CAMK1D: variants seen among roughly 807,000 people sequenced by gnomAD.
CAMK1D encodes the protein calcium/calmodulin dependent protein kinase ID, also known as calcium/calmodulin-dependent protein kinase type 1D.
In CAMK1D, 9 loss-of-function variants were observed where a neutral mutation model predicts 47.7. That is an observed-to-expected ratio of 0.19 (90% CI 0.11 to 0.33). The LOEUF (loss-of-function observed/expected upper bound fraction) is 0.33, where lower values mean the gene tolerates loss of function less well. CAMK1D is among the 10% of genes least tolerant of loss of function. CAMK1D has a pLI of 1.00. For missense variants in CAMK1D, 291 were observed against 488.7 expected, an observed-to-expected ratio of 0.60 and a Z score of 3.81; for synonymous variants, 184 against 184.9, an observed-to-expected ratio of 0.99 and a Z score of 0.04.
At chr10:12,649,435 G>T (rs1401082248) in intron 2 of CAMK1D, among the ~76,000 whole-genome samples, 1 of 152,334 alleles carries the variant, frequency 6.6e-6, no homozygotes, top group Middle Eastern at 3.4e-3. Context: ...TCCCCTCTGC[G>T]TCCACGGAAA....
chr10:12,547,682 T>TCACACACACACA (rs1554786375), intron 1 of CAMK1D, among the ~76,000 whole-genome samples: 28 of 116,528 alleles, frequency 2.4e-4, no homozygotes, highest in Admixed American at 7.6e-4. Flanking sequence ...TTTCTCTCTC[T>TCACACACACACA]CACACACACA....
intron 2 of CAMK1D, among the ~76,000 whole-genome samples, chr10:12,611,951 C>G (rs1241998854): frequency 6.6e-6 from 1 of 152,168 alleles, no homozygotes; most frequent in African/African-American, 2.4e-5. Flanking sequence ...CCTTATTTCT[C>G]CACTTCATGA....
At chr10:12,360,369 C>T (rs534436767) in intron 1 of CAMK1D, among the ~76,000 whole-genome samples, 1 of 152,280 alleles carries the variant, frequency 6.6e-6, no homozygotes, top group Non-Finnish European at 1.5e-5. Context: ...AAACCCTAGA[C>T]CTTTGTAGCT....
chr10:12,490,386 T>A (rs911063442), intron 1 of CAMK1D, among the ~76,000 whole-genome samples: 1 of 152,130 alleles, frequency 6.6e-6, no homozygotes, highest in Admixed American at 6.5e-5. Context: ...ACTGGGGGAC[T>A]GGCTCCCCAG....
chr10:12,477,375 A>G (rs1833933008), intron 1 of CAMK1D, among the ~76,000 whole-genome samples: 1 of 152,170 alleles, frequency 6.6e-6, no homozygotes, highest in Non-Finnish European at 1.5e-5. Context: ...AGATCATGCC[A>G]TTGCACTCCA....
At chr10:12,718,420 G>A (rs951508696) in intron 3 of CAMK1D, among the ~76,000 whole-genome samples, 6 of 152,050 alleles carry the variant, frequency 3.9e-5, no homozygotes, top group Admixed American at 6.6e-5. Context: ...TGTATCTTAC[G>A]CCATTTGCTT....
intron 2 of CAMK1D, among the ~76,000 whole-genome samples, chr10:12,613,562 C>G (rs556711963): frequency 2.0e-5 from 3 of 152,322 alleles, no homozygotes; most frequent in Non-Finnish European, 2.9e-5. Flanking sequence ...TTTGCAACCT[C>G]CACCTCCGGG....
chr10:12,648,377 A>T (rs1839868793), intron 2 of CAMK1D, among the ~76,000 whole-genome samples: 1 of 152,142 alleles, frequency 6.6e-6, no homozygotes. Context: ...GGTAATGGTT[A>T]TGTTTTCAGT....
intron 1 of CAMK1D, among the ~76,000 whole-genome samples, chr10:12,548,008 C>T (rs1355686885): frequency 6.6e-6 from 1 of 152,204 alleles, no homozygotes; most frequent in Non-Finnish European, 1.5e-5. Context: ...ATCCCTGTCA[C>T]CTGCGGTGCT....
chr10:12,359,123 C>T (rs1465802017), intron 1 of CAMK1D, among the ~76,000 whole-genome samples: 1 of 152,176 alleles, frequency 6.6e-6, no homozygotes, highest in African/African-American at 2.4e-5. Context: ...CCTGGGTCCA[C>T]AGCTTCCTAG....
rs183418826 is a variant in CAMK1D at position 12,600,208 on chromosome 10, T to G, written c.224+46852T>G. 3.9e-4 allele frequency among the ~76,000 whole-genome samples: 60 copies of G among 152,230 alleles called. No individual in the cohort carries two copies. The East Asian group carries it at 0.011, about 29-fold the overall frequency. On this transcript the variant is annotated intron_variant, in intron 2 of 10. Transcript: ENST00000619168. Reference sequence around the variant, plus strand: ...AGAAGAAAGAAAAAAACAGGAGAGATACTCAAGGATATTTGACTCCAGTTC... The same window carrying G: ...AGAAGAAAGAAAAAAACAGGAGAGAGACTCAAGGATATTTGACTCCAGTTC...
intron 3 of CAMK1D, among the ~76,000 whole-genome samples, chr10:12,702,748 C>T (rs1833574197): frequency 6.6e-6 from 1 of 152,166 alleles, no homozygotes; most frequent in African/African-American, 2.4e-5. Flanking sequence ...AAGTCCAGGC[C>T]ATCTGTGAGC....
At chr10:12,356,075 T>C (rs759706600) in intron 1 of CAMK1D, among the ~76,000 whole-genome samples, 7 of 151,510 alleles carry the variant, frequency 4.6e-5, no homozygotes, top group Non-Finnish European at 8.8e-5. Flanking sequence ...GATTTTGCAG[T>C]GAGCCGAGAT....
intron 2 of CAMK1D, among the ~76,000 whole-genome samples, chr10:12,634,118 G>A (rs912310423): frequency 6.6e-6 from 1 of 152,190 alleles, no homozygotes. Context: ...TCAGCTCACA[G>A]GAGTTTTTTC....
At chr10:12,576,269 A>T (rs1019101652) in intron 2 of CAMK1D, among the ~76,000 whole-genome samples, 1 of 152,096 alleles carries the variant, frequency 6.6e-6, no homozygotes, top group African/African-American at 2.4e-5. Context: ...GGGGTTTTGT[A>T]CCTGAGTATT....
intron 2 of CAMK1D, among the ~76,000 whole-genome samples, chr10:12,615,435 TGAGTGTGTG>T (rs1838753249): frequency 6.6e-6 from 1 of 152,102 alleles, no homozygotes; most frequent in African/African-American, 2.4e-5. Flanking sequence ...TCTGAGTGTG[TGAGTGTGTG>T]CATGTGTGTG....
intron 1 of CAMK1D, among the ~76,000 whole-genome samples, chr10:12,534,188 GTCTA>G (rs1222261436): frequency 1.3e-4 from 20 of 151,616 alleles, no homozygotes; most frequent in African/African-American, 2.7e-4. Flanking sequence ...CTATCTATCT[GTCTA>G]TCTATCTATC....
At chr10:12,604,259 C>T (rs1292618329) in intron 2 of CAMK1D, among the ~76,000 whole-genome samples, 1 of 152,140 alleles carries the variant, frequency 6.6e-6, no homozygotes, top group Non-Finnish European at 1.5e-5. Context: ...TGTCATAGAA[C>T]ACAGGCAATG....
chr10:12,795,504 G>A (rs371691446), intron 6 of CAMK1D, among the ~76,000 whole-genome samples: 11 of 152,180 alleles, frequency 7.2e-5, no homozygotes, highest in Admixed American at 1.3e-4. Flanking sequence ...GTCACGGAGC[G>A]CCTCATTCTT....
Sources: allele counts gnomAD v4.1 joint callset (sites outside exome capture counted in the v4.1 genomes callset), GRCh38; gene constraint gnomAD v4.1.1; transcripts MANE v1.5; gene names NCBI Gene and HGNC (gene_info 2026-07-23, HGNC 2026-07-21).